Variants in NRG3 observed in about 807,000 individuals in gnomAD.
The protein encoded by NRG3 is neuregulin 3.
In NRG3, 31 loss-of-function variants were observed where a neutral mutation model predicts 66.9. The ratio of observed to expected loss-of-function variants is 0.46; its 90% CI spans 0.35 to 0.63. The LOEUF (loss-of-function observed/expected upper bound fraction) is 0.63, where lower values mean the gene tolerates loss of function less well. Ranked by LOEUF, NRG3 falls within the 20% of genes least tolerant of loss-of-function variation. NRG3 has a pLI of 0.00. For synonymous variants in NRG3, 393 were observed against 359.4 expected (o/e 1.09, Z -1.06); for missense variants, 910 against 878.9 (o/e 1.04, Z -0.45).
chr10:82,827,084 G>A (rs2062253073), intron 3 of NRG3: 1 of 319,420 alleles, frequency 3.1e-6, no homozygotes, highest in African/African-American at 2.3e-5. Context: ...TCATATCAGA[G>A]AAAAAAGCTT....
intron 2 of NRG3, among the ~76,000 whole-genome samples, chr10:82,615,384 T>C (rs1209122424): frequency 6.6e-6 from 1 of 152,192 alleles, no homozygotes; most frequent in African/African-American, 2.4e-5. Context: ...AATTATTGTA[T>C]CTATTTTTTC....
At chr10:82,360,706 C>T (rs1156626793) in intron 2 of NRG3, among the ~76,000 whole-genome samples, 8 of 152,322 alleles carry the variant, frequency 5.3e-5, no homozygotes, top group African/African-American at 1.7e-4. Context: ...TACTTTCTCA[C>T]AGTCCCGGAG....
chr10:82,336,462 C>T (rs138181884), intron 1 of NRG3, among the ~76,000 whole-genome samples: 410 of 152,024 alleles, frequency 2.7e-3, no homozygotes, highest in African/African-American at 9.1e-3. Context: ...GTTAAAAATT[C>T]CGAATTTTCT....
At chr10:82,957,185 T>G (rs1850130773) in intron 5 of NRG3, among the ~76,000 whole-genome samples, 1 of 151,952 alleles carries the variant, frequency 6.6e-6, no homozygotes, top group Admixed American at 6.5e-5. Flanking sequence ...TGCCTCCACA[T>G]GCAGCCACCA....
chr10:82,771,580 C>T (rs977904246), intron 3 of NRG3, among the ~76,000 whole-genome samples: 1 of 152,006 alleles, frequency 6.6e-6, no homozygotes, highest in Admixed American at 6.6e-5. Flanking sequence ...AGCTGGTTGC[C>T]GCAGAGGGAA....
chr10:82,938,255 G>A (rs1342387930), intron 4 of NRG3, among the ~76,000 whole-genome samples: 3 of 152,142 alleles, frequency 2.0e-5, no homozygotes, highest in Non-Finnish European at 4.4e-5. Flanking sequence ...CAACTTCAGC[G>A]CTTTAGGTAG....
chr10:82,095,954 C>T (rs2066311248), intron 1 of NRG3, among the ~76,000 whole-genome samples: 1 of 152,138 alleles, frequency 6.6e-6, no homozygotes, highest in African/African-American at 2.4e-5. Context: ...AAATAAGTCT[C>T]ATATGCAAAT....
chr10:81,913,196 C>T (rs1236982179), intron 1 of NRG3, among the ~76,000 whole-genome samples: 1 of 152,030 alleles, frequency 6.6e-6, no homozygotes, highest in African/African-American at 2.4e-5. Flanking sequence ...AGGGCTTGGT[C>T]AAGAAAGGTT....
chr10:82,026,597 T>C (rs1012620935), intron 1 of NRG3, among the ~76,000 whole-genome samples: 2 of 152,014 alleles, frequency 1.3e-5, no homozygotes, highest in African/African-American at 4.8e-5. Flanking sequence ...AATTTATATA[T>C]TACCTATAAT....
intron 1 of NRG3, among the ~76,000 whole-genome samples, chr10:82,327,865 T>C (rs1350954968): frequency 6.6e-6 from 1 of 152,200 alleles, no homozygotes; most frequent in Non-Finnish European, 1.5e-5. Context: ...TCTTTTTCCT[T>C]GGCTTGTAGT....
At chr10:82,519,310 C>G (rs1845980690) in intron 2 of NRG3, among the ~76,000 whole-genome samples, 1 of 152,148 alleles carries the variant, frequency 6.6e-6, no homozygotes, top group African/African-American at 2.4e-5. Context: ...TGAAAGGTTT[C>G]TCTGTTCTTC....
At chr10:81,994,680 T>A (rs1249471288) in intron 1 of NRG3, among the ~76,000 whole-genome samples, 1 of 152,124 alleles carries the variant, frequency 6.6e-6, no homozygotes, top group Admixed American at 6.6e-5. Flanking sequence ...TGGTTCGTAG[T>A]TTTCTTTTTC....
chr10:82,153,186 G>T (rs964136928), intron 1 of NRG3, among the ~76,000 whole-genome samples: 1 of 151,828 alleles, frequency 6.6e-6, no homozygotes, highest in African/African-American at 2.4e-5. Flanking sequence ...TTTACCTTTT[G>T]GTCAACATTG....
chr10:82,239,262 A>G (rs965520261), intron 1 of NRG3, among the ~76,000 whole-genome samples: 2 of 152,088 alleles, frequency 1.3e-5, no homozygotes, highest in African/African-American at 4.8e-5. Context: ...ATTTTTTGAG[A>G]TGGGAGTCTT....
At chr10:82,736,594 A>G (rs1263841350) in intron 2 of NRG3, among the ~76,000 whole-genome samples, 2 of 152,224 alleles carry the variant, frequency 1.3e-5, no homozygotes, top group Non-Finnish European at 1.5e-5. Context: ...AGTACTCACT[A>G]TGCAATTTTC....
chr10:81,903,632 G>A (rs906405756), intron 1 of NRG3, among the ~76,000 whole-genome samples: 1 of 152,064 alleles, frequency 6.6e-6, no homozygotes, highest in African/African-American at 2.4e-5. Flanking sequence ...GCATGGTTTC[G>A]AACACTCCAG....
chr10:82,038,106 C>T (rs1039356633), intron 1 of NRG3, among the ~76,000 whole-genome samples: 5 of 152,070 alleles, frequency 3.3e-5, no homozygotes, highest in Non-Finnish European at 5.9e-5. Flanking sequence ...ATGGGATACC[C>T]AAGAGATTTA....
intron 1 of NRG3, among the ~76,000 whole-genome samples, chr10:82,106,712 G>C (rs2067083642): frequency 6.6e-6 from 1 of 151,866 alleles, no homozygotes; most frequent in Non-Finnish European, 1.5e-5. Flanking sequence ...CTCCATGTTG[G>C]CCAGGCTGGT....
intron 1 of NRG3, among the ~76,000 whole-genome samples, chr10:82,022,400 T>C (rs1382252804): frequency 6.6e-6 from 1 of 152,080 alleles, no homozygotes; most frequent in South Asian, 2.1e-4. Context: ...GGCTCTGCTT[T>C]CAGTACCTCC....
Sources: allele counts gnomAD v4.1 joint callset (sites outside exome capture counted in the v4.1 genomes callset), GRCh38; gene constraint gnomAD v4.1.1; transcripts MANE v1.5; gene names NCBI Gene and HGNC (gene_info 2026-07-23, HGNC 2026-07-21).